The following SDK1 variants were observed in gnomAD, a reference collection of about 807,000 sequenced individuals.
SDK1 encodes the protein sidekick cell adhesion molecule 1, also known as protein sidekick-1.
A neutral mutation model predicts 245.5 loss-of-function variants in SDK1; 157 were observed. That is an observed-to-expected ratio of 0.64 (90% CI 0.56 to 0.73). The LOEUF is 0.73. SDK1 is among the 30% of genes least tolerant of loss of function. The pLI is 0.00. For missense variants in SDK1, 3,583 were observed against 3,002.3 expected (o/e 1.19, Z -4.52); for synonymous variants, 1,647 against 1,278.5 (o/e 1.29, Z -6.15).
intron 13 of SDK1, among the ~76,000 whole-genome samples, chr7:3,975,383 G>A (rs925290009): frequency 6.6e-6 from 1 of 152,118 alleles, no homozygotes; most frequent in Non-Finnish European, 1.5e-5. Context: ...TTGACATGCT[G>A]GGCCTTTCGA....
intron 13 of SDK1, among the ~76,000 whole-genome samples, chr7:3,986,516 C>T (rs1402648291): frequency 6.6e-6 from 1 of 152,192 alleles, no homozygotes; most frequent in Non-Finnish European, 1.5e-5. Context: ...TTTCCATGAC[C>T]AGCTTCTAGT....
At chr7:3,824,937 A>T (rs1292537137) in intron 5 of SDK1, among the ~76,000 whole-genome samples, 1 of 152,130 alleles carries the variant, frequency 6.6e-6, no homozygotes, top group African/African-American at 2.4e-5. Flanking sequence ...TTCTGAACCG[A>T]TATTCCTGTA....
intron 1 of SDK1, among the ~76,000 whole-genome samples, chr7:3,521,206 G>C (rs952592103): frequency 6.6e-6 from 1 of 152,168 alleles, no homozygotes; most frequent in African/African-American, 2.4e-5. Context: ...AGAGCAGCTT[G>C]AGAGCCATTC....
At chr7:3,307,065 T>G (rs1779434007) in intron 1 of SDK1, among the ~76,000 whole-genome samples, 1 of 152,174 alleles carries the variant, frequency 6.6e-6, no homozygotes, top group African/African-American at 2.4e-5. Context: ...AAGGTTTATT[T>G]ACAAAAGAAA....
At chr7:3,485,505 G>A (rs1383582009) in intron 1 of SDK1, among the ~76,000 whole-genome samples, 1 of 152,016 alleles carries the variant, frequency 6.6e-6, no homozygotes, top group African/African-American at 2.4e-5. Context: ...TGGGGATGAG[G>A]TACCAGGGTG....
At chr7:4,133,286 C>A (rs962659544) in intron 28 of SDK1, among the ~76,000 whole-genome samples, 10 of 152,200 alleles carry the variant, frequency 6.6e-5, no homozygotes, top group African/African-American at 2.2e-4. Flanking sequence ...GCAACAAATT[C>A]TATTTTAAAA....
At chr7:4,198,055 A>G (rs1305888400) in intron 35 of SDK1, among the ~76,000 whole-genome samples, 1 of 152,118 alleles carries the variant, frequency 6.6e-6, no homozygotes, top group Non-Finnish European at 1.5e-5. Flanking sequence ...GAATCAAATC[A>G]GCACTGAGAC....
At chr7:3,756,112 GAT>G in intron 4 of SDK1, among the ~76,000 whole-genome samples, 2 of 150,492 alleles carry the variant, frequency 1.3e-5, no homozygotes, top group African/African-American at 2.5e-5. Context: ...GCATATCATT[GAT>G]GTTTTGAACC....
intron 1 of SDK1, among the ~76,000 whole-genome samples, chr7:3,446,619 C>G (rs1780349489): frequency 6.6e-6 from 1 of 152,102 alleles, no homozygotes; most frequent in Admixed American, 6.5e-5. Context: ...ATTTCATTTT[C>G]TCACCGTGCA....
At position 4,192,021 on chromosome 7, in the gene SDK1, G is replaced by A. The variant is rs376103143; in HGVS notation, c.5098+13435G>A. ...CTCCTCTCCAGCCACACTCTCTTCCGAGAGAACTCTTCCCCTCTTTGCCTG... is the reference window on the plus strand; with the variant it reads ...CTCCTCTCCAGCCACACTCTCTTCCAAGAGAACTCTTCCCCTCTTTGCCTG... On this transcript the variant is annotated intron_variant, in intron 35 of 44. Transcript: ENST00000404826. 4.0e-4 allele frequency among the ~76,000 whole-genome samples: 61 copies of A among 152,282 alleles called. 1 individual carries two copies. The highest frequency in any genetic ancestry group is 1.3e-3 in the African/African-American group (53 of 41,562).
chr7:4,046,391 A>T (rs1360961958), intron 17 of SDK1, among the ~76,000 whole-genome samples: 1 of 152,142 alleles, frequency 6.6e-6, no homozygotes, highest in African/African-American at 2.4e-5. Context: ...ATTTTTCCCT[A>T]ACCCAGTGTC....
intron 1 of SDK1, among the ~76,000 whole-genome samples, chr7:3,559,437 T>TAA (rs1462301846): frequency 6.6e-6 from 1 of 152,204 alleles, no homozygotes; most frequent in African/African-American, 2.4e-5. Context: ...AACTTTTATG[T>TAA]TTCTTTTGCC....
intron 1 of SDK1, among the ~76,000 whole-genome samples, chr7:3,530,033 C>T (rs529791401): frequency 5.3e-5 from 8 of 152,096 alleles, no homozygotes; most frequent in Admixed American, 3.9e-4. Context: ...GAATAGAGTT[C>T]TAAGAATGTA....
At chr7:3,373,342 G>A (rs1278271370) in intron 1 of SDK1, among the ~76,000 whole-genome samples, 1 of 152,154 alleles carries the variant, frequency 6.6e-6, no homozygotes, top group African/African-American at 2.4e-5. Flanking sequence ...GGGTCCCATT[G>A]CAAAGTTGAA....
intron 14 of SDK1, among the ~76,000 whole-genome samples, chr7:3,988,197 C>T (rs1784027777): frequency 6.7e-6 from 1 of 149,414 alleles, no homozygotes; most frequent in South Asian, 2.2e-4. Flanking sequence ...GCTCCCAGCA[C>T]CCCGCATTTC....
chr7:3,957,723 C>G (rs1168806101), intron 7 of SDK1, among the ~76,000 whole-genome samples: 1 of 152,020 alleles, frequency 6.6e-6, no homozygotes, highest in Non-Finnish European at 1.5e-5. Flanking sequence ...ATTGAGGAAA[C>G]GTGATCAAAT....
intron 5 of SDK1, among the ~76,000 whole-genome samples, chr7:3,883,918 G>A (rs1268832648): frequency 2.0e-5 from 3 of 152,046 alleles, no homozygotes; most frequent in Admixed American, 6.5e-5. Context: ...ACATCAATAC[G>A]ATGAAGTCAC....
intron 9 of SDK1, among the ~76,000 whole-genome samples, chr7:3,966,981 T>C (rs971330328): frequency 2.0e-5 from 3 of 152,206 alleles, no homozygotes; most frequent in Non-Finnish European, 2.9e-5. Flanking sequence ...CTACCTTTCA[T>C]TTAAAGAACA....
intron 1 of SDK1, among the ~76,000 whole-genome samples, chr7:3,365,490 C>T (rs567795788): frequency 1.2e-4 from 19 of 152,170 alleles, no homozygotes; most frequent in Admixed American, 3.3e-4. Flanking sequence ...AAAAATTCTT[C>T]CCCTTAACTT....
Sources: gnomAD v4.1 joint callset for allele counts (sites outside exome capture counted in the v4.1 genomes callset) on GRCh38, gnomAD v4.1.1 for gene constraint, MANE v1.5 for transcripts, NCBI Gene and HGNC (gene_info 2026-07-23, HGNC 2026-07-21) for gene names.